Variants in HDAC9 observed in about 807,000 individuals in gnomAD.
The protein encoded by HDAC9 is histone deacetylase 9, also known as MEF-2 interacting transcription repressor (MITR) protein.
In HDAC9, 41 loss-of-function variants were observed where a neutral mutation model predicts 139.4. The observed-to-expected ratio is 0.29, with a 90% CI of 0.23 to 0.38. The LOEUF is 0.38. Among genes scored for constraint, HDAC9 ranks in the 10% least tolerant of loss-of-function variants. HDAC9 has a pLI of 1.00. For synonymous variants in HDAC9, 517 were observed against 476.2 expected, an observed-to-expected ratio of 1.09 and a Z score of -1.12; for missense variants, 1,147 against 1,297.0, an observed-to-expected ratio of 0.88 and a Z score of 1.78.
intron 1 of HDAC9, chr7:18,151,758 A>G (rs958451702): frequency 6.6e-6 from 1 of 152,232 alleles, no homozygotes; most frequent in African/African-American, 2.4e-5. Context: ...AACTATCATC[A>G]TGTTACTAGC....
intron 2 of HDAC9, among the ~76,000 whole-genome samples, chr7:18,234,150 T>C (rs1354518884): frequency 6.6e-6 from 1 of 152,212 alleles, no homozygotes. Context: ...ACATGTTATA[T>C]GAGGGAGGCA....
At chr7:18,369,714 G>A (rs971783984) in intron 1 of HDAC9, among the ~76,000 whole-genome samples, 5 of 152,026 alleles carry the variant, frequency 3.3e-5, no homozygotes, top group African/African-American at 7.2e-5. Context: ...CAGAAACAGT[G>A]TTTCAAGGTT....
intron 2 of HDAC9, among the ~76,000 whole-genome samples, chr7:18,211,597 C>G (rs1425763606): frequency 6.6e-6 from 1 of 152,102 alleles, no homozygotes; most frequent in Non-Finnish European, 1.5e-5. Flanking sequence ...TGATGGCAAA[C>G]AAGAAGAAAA....
intron 16 of HDAC9, among the ~76,000 whole-genome samples, chr7:18,776,145 G>T (rs559379231): frequency 2.0e-5 from 3 of 151,940 alleles, no homozygotes; most frequent in Non-Finnish European, 2.9e-5. Context: ...GTCTCACTAC[G>T]TTGCTCTGGC....
chr7:18,483,936 C>A (rs1049513948), intron 1 of HDAC9, among the ~76,000 whole-genome samples: 5 of 112,194 alleles, frequency 4.5e-5, no homozygotes, highest in African/African-American at 1.7e-4. Context: ...GTCTGAAGGC[C>A]AATATATTCT....
Position 18,659,811 on chromosome 7 carries a change from T to C in HDAC9, c.1468-6402T>C, listed in dbSNP as rs1379504184. 2.6e-5 allele frequency among the ~76,000 whole-genome samples: 4 copies of C among 152,270 alleles called. No individual in the cohort carries two copies. The East Asian group carries it at 7.7e-4, about 29-fold the overall frequency. Reference sequence around the variant, plus strand: ...CAGAGATTCACACAGGCTTGCACATTTATCTGTCCCACAGATGTTTCGTCT... The same window carrying C: ...CAGAGATTCACACAGGCTTGCACATCTATCTGTCCCACAGATGTTTCGTCT... On this transcript the variant is annotated intron_variant, in intron 11 of 25. Coordinates refer to ENST00000686413, the MANE Select transcript of HDAC9 (RefSeq NM_178425.4).
At chr7:18,391,395 A>T (rs1196236042) in intron 1 of HDAC9, among the ~76,000 whole-genome samples, 1 of 152,056 alleles carries the variant, frequency 6.6e-6, no homozygotes, top group African/African-American at 2.4e-5. Flanking sequence ...CCCCCCAAAA[A>T]AAAAAGAAAG....
chr7:18,594,854 T>A (rs1832024269), intron 6 of HDAC9, among the ~76,000 whole-genome samples: 1 of 152,090 alleles, frequency 6.6e-6, no homozygotes, highest in African/African-American at 2.4e-5. Flanking sequence ...AATGTTTATC[T>A]CCACAACTGA....
intron 2 of HDAC9, among the ~76,000 whole-genome samples, chr7:18,179,451 A>G (rs895848114): frequency 1.4e-4 from 22 of 152,322 alleles, no homozygotes; most frequent in African/African-American, 5.3e-4. Flanking sequence ...CTGCAGGATC[A>G]TTAAAGAAAT....
intron 12 of HDAC9, among the ~76,000 whole-genome samples, chr7:18,684,204 C>T (rs914681402): frequency 6.6e-6 from 1 of 151,454 alleles, no homozygotes; most frequent in Admixed American, 6.6e-5. Context: ...TTGCAGTGAA[C>T]CTATCATCCC....
chr7:18,118,549 T>G (rs1374732737), intron 1 of HDAC9, among the ~76,000 whole-genome samples: 1 of 152,218 alleles, frequency 6.6e-6, no homozygotes, highest in African/African-American at 2.4e-5. Flanking sequence ...TTTCACTGTC[T>G]GAGCTACTTA....
intron 8 of HDAC9, among the ~76,000 whole-genome samples, chr7:18,638,501 C>A (rs1027010939): frequency 6.6e-6 from 1 of 152,060 alleles, no homozygotes; most frequent in African/African-American, 2.4e-5. Context: ...GCTACCTTGT[C>A]ATCATTGGTC....
At chr7:18,746,999 A>G (rs1229157981) in intron 13 of HDAC9, among the ~76,000 whole-genome samples, 1 of 152,168 alleles carries the variant, frequency 6.6e-6, no homozygotes. Flanking sequence ...AAAAAAGATT[A>G]GCCAAATGAG....
chr7:18,239,745 A>G (rs1354563751), intron 2 of HDAC9, among the ~76,000 whole-genome samples: 2 of 152,194 alleles, frequency 1.3e-5, no homozygotes, highest in Non-Finnish European at 2.9e-5. Context: ...TTTCAAATAT[A>G]TTAAGTTGCC....
intron 24 of HDAC9, chr7:18,954,450 A>T: frequency 2.3e-6 from 1 of 444,398 alleles, no homozygotes. Flanking sequence ...TTTCTCATGT[A>T]TTTCAGGTAT....
intron 1 of HDAC9, chr7:18,430,872 G>A (rs904562787): frequency 4.6e-5 from 7 of 152,386 alleles, no homozygotes; most frequent in Non-Finnish European, 1.0e-4. Flanking sequence ...GGACAACAGA[G>A]TGAGACTATC....
At chr7:18,841,466 G>A (rs993521297) in intron 21 of HDAC9, among the ~76,000 whole-genome samples, 1 of 151,974 alleles carries the variant, frequency 6.6e-6, no homozygotes, top group African/African-American at 2.4e-5. Context: ...TTTTTAAAAA[G>A]CTTTTCAAGT....
At chr7:18,647,679 T>C (rs143797768) in intron 9 of HDAC9, 106 bp from the exon 10 acceptor site, 9 of 922,224 alleles carry the variant, frequency 9.8e-6, no homozygotes, top group Non-Finnish European at 1.4e-5. Context: ...AAGATGGGGC[T>C]TTTGTTTTGG....
At chr7:18,687,792 A>G (rs917064089) in intron 12 of HDAC9, among the ~76,000 whole-genome samples, 2 of 151,834 alleles carry the variant, frequency 1.3e-5, no homozygotes, top group African/African-American at 4.8e-5. Context: ...AGTTAGATGG[A>G]CATATTTTAT....
Sources: gnomAD v4.1 joint callset for allele counts (sites outside exome capture counted in the v4.1 genomes callset) on GRCh38, gnomAD v4.1.1 for gene constraint, MANE v1.5 for transcripts, NCBI Gene and HGNC (gene_info 2026-07-23, HGNC 2026-07-21) for gene names.